BCOR: variants seen among roughly 807,000 people sequenced by gnomAD.
BCOR encodes the protein BCL-6 corepressor.
A neutral mutation model predicts 86.7 loss-of-function variants in BCOR; 10 were observed. The observed-to-expected ratio is 0.12, with a 90% CI of 0.07 to 0.20. The LOEUF is 0.20. BCOR is among the 10% of genes least tolerant of loss of function. The pLI, the probability that BCOR is intolerant of heterozygous loss-of-function variation, is 1.00. For synonymous variants in BCOR, 611 were observed against 609.0 expected (o/e 1.00, Z -0.05); for missense variants, 1,259 against 1,452.1 (o/e 0.87, Z 2.16).
intron 12 of BCOR, among the ~76,000 whole-genome samples, chrX:40,054,806 C>T (rs1488686234): frequency 1.8e-5 from 2 of 112,702 alleles, no homozygotes; most frequent in African/African-American, 6.4e-5. Flanking sequence ...GTCCGGCCTA[C>T]TTATGTATCT....
At chrX:40,079,945 AGT>A (rs1304228342) in intron 1 of BCOR, among the ~76,000 whole-genome samples, 1 of 108,271 alleles carries the variant, frequency 9.2e-6, no homozygotes, top group Admixed American at 9.6e-5. Flanking sequence ...CCCCGGTGCC[AGT>A]GTGTCCCGGT....
At chrX:40,083,802 A>C (rs1936224557) in intron 1 of BCOR, among the ~76,000 whole-genome samples, 1 of 111,857 alleles carries the variant, frequency 8.9e-6, no homozygotes, top group African/African-American at 3.2e-5. Flanking sequence ...CAGGAACTCC[A>C]GCAGCCTCCC....
chrX:40,055,337 G>T (rs768581386), intron 12 of BCOR, 31 bp downstream of exon 12: 242 of 1,181,403 alleles, frequency 2.0e-4, no homozygotes, highest in Middle Eastern at 2.3e-4. Context: ...TCTAATTTTT[G>T]AATAAGACCA....
intron 1 of BCOR, among the ~76,000 whole-genome samples, chrX:40,160,529 A>C (rs901615323): frequency 1.8e-4 from 20 of 109,701 alleles, no homozygotes; most frequent in African/African-American, 6.6e-4. Flanking sequence ...AAAAAAAAAA[A>C]AAAATCAGTC....
chrX:40,061,726 AC>A (rs1934884718), intron 10 of BCOR, among the ~76,000 whole-genome samples: 1 of 92,855 alleles, frequency 1.1e-5, no homozygotes, highest in Non-Finnish European at 2.1e-5. Context: ...CTACACGGCC[AC>A]CCTTCCACCC....
intron 1 of BCOR, among the ~76,000 whole-genome samples, chrX:40,113,976 G>A (rs971775237): frequency 1.8e-5 from 2 of 110,857 alleles, no homozygotes; most frequent in African/African-American, 6.6e-5. Context: ...GTGCCACCAA[G>A]CCTGGCTACT....
chrX:40,093,289 T>A (rs1936700987), intron 1 of BCOR, among the ~76,000 whole-genome samples: 1 of 112,050 alleles, frequency 8.9e-6, no homozygotes, highest in South Asian at 3.7e-4. Flanking sequence ...TCGTACTACT[T>A]CCATTCTTTT....
At chrX:40,082,981 A>T (rs748955279) in intron 1 of BCOR, among the ~76,000 whole-genome samples, 2 of 108,879 alleles carry the variant, frequency 1.8e-5, no homozygotes, top group Non-Finnish European at 3.8e-5. Flanking sequence ...GATTTTACAG[A>T]AGCCCAAAGC....
intron 1 of BCOR, among the ~76,000 whole-genome samples, chrX:40,147,027 G>C (rs760693200): frequency 1.8e-5 from 2 of 111,622 alleles, no homozygotes; most frequent in Non-Finnish European, 3.8e-5. Context: ...CACCTGCTCG[G>C]CCGCCTGGGG....
chrX:40,104,894 C>A (rs1161234817), intron 1 of BCOR, among the ~76,000 whole-genome samples: 2 of 111,871 alleles, frequency 1.8e-5, no homozygotes, highest in Admixed American at 1.8e-4. Context: ...CTCGGGCGAG[C>A]CGCCTGGCGC....
intron 1 of BCOR, among the ~76,000 whole-genome samples, chrX:40,087,118 G>A (rs746354584): frequency 2.6e-5 from 3 of 113,408 alleles, no homozygotes; most frequent in Non-Finnish European, 5.6e-5. Context: ...GTCTGGCCGG[G>A]CTGGGGCCGG....
chrX:40,167,896 C>CA (rs1304953997), intron 1 of BCOR, among the ~76,000 whole-genome samples: 1 of 113,106 alleles, frequency 8.8e-6, no homozygotes, highest in African/African-American at 3.2e-5. Flanking sequence ...GTGTTGGCTT[C>CA]AGGAGGCTCC....
At chrX:40,079,090 A>G (rs190606756) in intron 1 of BCOR, among the ~76,000 whole-genome samples, 1 of 111,204 alleles carries the variant, frequency 9.0e-6, no homozygotes, top group Non-Finnish European at 1.9e-5. Flanking sequence ...TTCCCTGCTC[A>G]CAAACACATC....
At chrX:40,130,321 C>G (rs1469043941) in intron 1 of BCOR, among the ~76,000 whole-genome samples, 2 of 112,047 alleles carry the variant, frequency 1.8e-5, no homozygotes, top group Non-Finnish European at 3.8e-5. Context: ...TGCACTATGA[C>G]CTATCCTAAT....
rs1937774058 is a variant in BCOR, at chrX:40,139,398, TATATATATATATATATAATATATATAC to T, written c.-41+37582_-41+37608del. ...TATATATATATAATATATATACATA[TATATATATATATATATAATATATATAC>T]ATATATATATATATATATATAATAT... On this transcript the variant is annotated intron_variant, in intron 1 of 14. Transcript: ENST00000342274. Among the ~76,000 whole-genome samples, 10 of 15,422 alleles carry T rather than the reference TATATATATATATATATAATATATATAC, an allele frequency of 6.5e-4. 2 individuals carry two copies. Among genetic ancestry groups the T allele is most frequent in the Admixed American group, 2.6e-3 (2 of 771 alleles). 13.4% of individuals were successfully genotyped at this position (15,422 alleles called of 115,157 possible). A position where few individuals can be genotyped will look rare whatever the true frequency, so the allele number is the denominator to read the frequency against.
chrX:40,135,950 G>T (rs893547431), intron 1 of BCOR, among the ~76,000 whole-genome samples: 1 of 112,127 alleles, frequency 8.9e-6, no homozygotes, highest in African/African-American at 3.2e-5. Context: ...TGAAACACCT[G>T]TTTCAGATTG....
intron 1 of BCOR, among the ~76,000 whole-genome samples, chrX:40,084,136 G>C (rs990683238): frequency 1.8e-5 from 2 of 111,836 alleles, no homozygotes; most frequent in African/African-American, 3.2e-5. Flanking sequence ...TGTAACGTGG[G>C]AGGGGTGCGA....
intron 1 of BCOR, among the ~76,000 whole-genome samples, chrX:40,137,943 T>C (rs1471094361): frequency 9.0e-6 from 1 of 111,071 alleles, no homozygotes; most frequent in Non-Finnish European, 1.9e-5. Flanking sequence ...GGGGCGACTT[T>C]CCCTCCAAAT....
intron 1 of BCOR, among the ~76,000 whole-genome samples, chrX:40,118,774 G>A (rs904389113): frequency 2.7e-5 from 3 of 112,428 alleles, no homozygotes; most frequent in Non-Finnish European, 5.6e-5. Context: ...ACAGGCTACA[G>A]GGGCCTCCTG....
Sources: allele counts gnomAD v4.1 joint callset (sites outside exome capture counted in the v4.1 genomes callset), GRCh38; gene constraint gnomAD v4.1.1; transcripts MANE v1.5; gene names NCBI Gene and HGNC (gene_info 2026-07-23, HGNC 2026-07-21).